Variants in TGFBR3 observed in about 807,000 individuals in gnomAD.
The protein encoded by TGFBR3 is transforming growth factor beta receptor type 3.
In TGFBR3, 46 loss-of-function variants were observed where a neutral mutation model predicts 87.9. The observed-to-expected ratio is 0.52, with a 90% CI of 0.41 to 0.67. The LOEUF is 0.67. TGFBR3 is among the 30% of genes least tolerant of loss of function. The probability of loss-of-function intolerance (pLI) is 0.00; values close to 1 mark genes in which losing one functional copy is unlikely to be tolerated. For missense variants in TGFBR3, 866 were observed against 1,041.9 expected (o/e 0.83, Z 2.32); for synonymous variants, 381 against 391.6 (o/e 0.97, Z 0.32).
intron 3 of TGFBR3, among the ~76,000 whole-genome samples, chr1:91,770,518 G>C (rs1240814544): frequency 6.6e-6 from 1 of 152,070 alleles, no homozygotes; most frequent in Non-Finnish European, 1.5e-5. Flanking sequence ...GGATTTATAA[G>C]AGGCTTCAAT....
intron 1 of TGFBR3, among the ~76,000 whole-genome samples, chr1:91,871,335 T>C (rs1678575883): frequency 1.3e-5 from 2 of 152,168 alleles, no homozygotes; most frequent in South Asian, 4.1e-4. Flanking sequence ...TGGCAGGCCT[T>C]GATCAGCAGT....
intron 1 of TGFBR3, among the ~76,000 whole-genome samples, chr1:91,881,801 AGGCCGAGGCGGGT>A (rs1412268559): frequency 1.3e-5 from 2 of 152,124 alleles, no homozygotes; most frequent in African/African-American, 4.8e-5. Context: ...GCACTTTGGG[AGGCCGAGGCGGGT>A]GGATCATGAG....
chr1:91,904,237 G>A (rs1005098403), intron 1 of TGFBR3, among the ~76,000 whole-genome samples: 1 of 150,158 alleles, frequency 6.7e-6, no homozygotes, highest in Non-Finnish European at 1.5e-5. Context: ...AACTTATAGA[G>A]AGCACAGTGG....
intron 2 of TGFBR3, among the ~76,000 whole-genome samples, chr1:91,803,915 A>G (rs904929566): frequency 2.0e-5 from 3 of 152,156 alleles, no homozygotes; most frequent in African/African-American, 7.2e-5. Context: ...TATTTGTGCA[A>G]TTATTGGTTT....
At chr1:91,807,810 C>T (rs903212101) in intron 2 of TGFBR3, among the ~76,000 whole-genome samples, 1 of 152,130 alleles carries the variant, frequency 6.6e-6, no homozygotes, top group African/African-American at 2.4e-5. Flanking sequence ...TACAGAAGCA[C>T]CGGGAAATAG....
At chr1:91,775,128 C>T (rs4658265) in intron 3 of TGFBR3, among the ~76,000 whole-genome samples, 45,223 of 152,002 alleles carry the variant, frequency 0.3, 7,008 homozygotes, top group South Asian at 0.38. Context: ...TTTCTACTTC[C>T]CTTGCCAGTG....
chr1:91,901,208 T>C (rs888446813), intron 1 of TGFBR3, among the ~76,000 whole-genome samples: 13 of 152,246 alleles, frequency 8.5e-5, no homozygotes, highest in Admixed American at 6.5e-4. Context: ...TCATATATAC[T>C]TTTTGTTAGG....
At position 91,719,385 on chromosome 1, in the gene TGFBR3, A is replaced by C. The variant is rs1318097749; in HGVS notation, c.1493T>G (p.Leu498Trp). 1 of 1,614,190 alleles carries C rather than the reference A, an allele frequency of 6.2e-7. No individual in the cohort carries two copies. ...ACCGCAGCCATTCAGAGGAGACTCCAAAACAAAGTGTGTGCCATTCATCTT... is the reference window on the plus strand; with the variant it reads ...ACCGCAGCCATTCAGAGGAGACTCCCAAACAAAGTGTGTGCCATTCATCTT... The part of the protein sequence containing the change: ...KAKMNGTHFV[L>W]ESPLNGCGTR... Residue 498 changes from leucine (L) to tryptophan (W), a missense_variant, in exon 10 of 17, where the codon TTG (leucine) becomes TGG (tryptophan). Physicochemically the swap from Leu to Trp is moderately conservative, Grantham distance 61 (BLOSUM62 -2). Transcript: ENST00000212355.
intron 16 of TGFBR3, among the ~76,000 whole-genome samples, chr1:91,691,215 A>T (rs1671251048): frequency 6.6e-6 from 1 of 152,154 alleles, no homozygotes; most frequent in South Asian, 2.1e-4. Flanking sequence ...AAAATGAGAG[A>T]AAACAGAAAA....
At chr1:91,695,390 C>T in intron 16 of TGFBR3, 1 of 412,016 alleles carries the variant, frequency 2.4e-6, no homozygotes, top group Non-Finnish European at 4.6e-6. Flanking sequence ...TGTACGTTGT[C>T]TGCATTAACC....
At chr1:91,695,488 C>T in intron 16 of TGFBR3, 184 bp downstream of exon 16, 2 of 637,430 alleles carry the variant, frequency 3.1e-6, no homozygotes, top group South Asian at 3.6e-5. Context: ...CCTTCCTTTT[C>T]TTTCCACTGT....
chr1:91,806,864 C>T (rs541621457), intron 2 of TGFBR3, among the ~76,000 whole-genome samples: 12 of 152,316 alleles, frequency 7.9e-5, no homozygotes, highest in South Asian at 2.1e-4. Flanking sequence ...ACTACAGGAT[C>T]TATTCTGCCC....
At chr1:91,724,873 G>T (rs1338597085) in intron 7 of TGFBR3, among the ~76,000 whole-genome samples, 2 of 152,154 alleles carry the variant, frequency 1.3e-5, no homozygotes, top group Non-Finnish European at 2.9e-5. Context: ...GATGGTATAG[G>T]GGAGGGAGGA....
At chr1:91,734,679 G>A in intron 5 of TGFBR3, 97 bp downstream of exon 5, 2 of 1,472,236 alleles carry the variant, frequency 1.4e-6, no homozygotes, top group Non-Finnish European at 1.9e-6. Flanking sequence ...CCAACATTCT[G>A]TAATTCTGTG....
intron 2 of TGFBR3, among the ~76,000 whole-genome samples, chr1:91,839,194 T>A (rs1677175219): frequency 1.3e-5 from 2 of 152,120 alleles, no homozygotes. Flanking sequence ...ACCAGCCTGG[T>A]CTCAAACTCC....
intron 3 of TGFBR3, among the ~76,000 whole-genome samples, chr1:91,776,075 T>C (rs1284855985): frequency 6.6e-6 from 1 of 152,204 alleles, no homozygotes; most frequent in Non-Finnish European, 1.5e-5. Context: ...GCCCAGCTAT[T>C]CACATTTAAC....
chr1:91,857,253 G>C (rs1233792668), intron 2 of TGFBR3, among the ~76,000 whole-genome samples: 1 of 151,728 alleles, frequency 6.6e-6, no homozygotes, highest in Non-Finnish European at 1.5e-5. Context: ...AAATCCACAA[G>C]CCTCATTATG....
intron 4 of TGFBR3, among the ~76,000 whole-genome samples, chr1:91,740,368 A>ATT (rs780530073): frequency 1.5e-5 from 2 of 133,630 alleles, no homozygotes; most frequent in Non-Finnish European, 1.6e-5. Flanking sequence ...TGGGATTACA[A>ATT]TTTTTTTTTT....
At chr1:91,716,993 T>C (rs1280785684) in intron 10 of TGFBR3, among the ~76,000 whole-genome samples, 1 of 152,238 alleles carries the variant, frequency 6.6e-6, no homozygotes, top group Non-Finnish European at 1.5e-5. Context: ...TAATTACAAA[T>C]GATTTCAAAT....
Sources: allele counts gnomAD v4.1 joint callset (sites outside exome capture counted in the v4.1 genomes callset), GRCh38; gene constraint gnomAD v4.1.1; transcripts MANE v1.5; gene names NCBI Gene and HGNC (gene_info 2026-07-23, HGNC 2026-07-21).